PAQR5: variants seen among roughly 807,000 people sequenced by gnomAD.
PAQR5 encodes the protein progestin and adipoQ receptor family member 5.
A neutral mutation model predicts 34.5 loss-of-function variants in PAQR5; 20 were observed. The ratio of observed to expected loss-of-function variants is 0.58; its 90% CI spans 0.41 to 0.84. PAQR5 has a LOEUF of 0.84. PAQR5 is among the 40% of genes least tolerant of loss of function. The pLI, the probability that PAQR5 is intolerant of heterozygous loss-of-function variation, is 0.00. For missense variants in PAQR5, 378 were observed against 412.7 expected (o/e 0.92, Z 0.73); for synonymous variants, 131 against 155.6 (o/e 0.84, Z 1.18).
intron 3 of PAQR5, among the ~76,000 whole-genome samples, chr15:69,371,534 A>G (rs2140889521): frequency 6.6e-6 from 1 of 152,296 alleles, no homozygotes; most frequent in South Asian, 2.1e-4. Context: ...GAAAACTGAA[A>G]ACAGTAGGGT....
intron 1 of PAQR5, among the ~76,000 whole-genome samples, chr15:69,312,732 C>T (rs1437303088): frequency 6.6e-6 from 1 of 151,874 alleles, no homozygotes; most frequent in Non-Finnish European, 1.5e-5. Context: ...ACTGGAAAAC[C>T]GAAAAGTCTT....
chr15:69,314,829 A>G (rs1430060540), intron 1 of PAQR5: 2 of 152,638 alleles, frequency 1.3e-5, no homozygotes, highest in South Asian at 2.1e-4. Context: ...GCTTTGTTCC[A>G]GTGTCCTGCA....
At position 69,301,124 on chromosome 15, in the gene PAQR5, C is replaced by T. The variant is rs1019804787; in HGVS notation, c.-277+2068C>T. Reference sequence around the variant, plus strand: ...GTTCAAGCAATTCTCTTGCCTCAGCCTCCCGAGTAGCTGGGATTACAGGCG... The same window carrying T: ...GTTCAAGCAATTCTCTTGCCTCAGCTTCCCGAGTAGCTGGGATTACAGGCG... On this transcript the variant is annotated intron_variant, in intron 1 of 8. Transcript: ENST00000395407. 4.6e-5 allele frequency among the ~76,000 whole-genome samples: 7 copies of T among 151,444 alleles called. No individual in the cohort carries two copies. In the East Asian group the frequency reaches 1.4e-3, roughly 29 times the overall value.
chr15:69,308,547 C>A (rs2053765640), intron 1 of PAQR5, among the ~76,000 whole-genome samples: 1 of 152,130 alleles, frequency 6.6e-6, no homozygotes, highest in Non-Finnish European at 1.5e-5. Flanking sequence ...AGTAGCCACA[C>A]ACACCCCCTC....
intron 3 of PAQR5, among the ~76,000 whole-genome samples, chr15:69,361,454 G>T (rs1014934755): frequency 3.9e-5 from 6 of 152,168 alleles, no homozygotes; most frequent in Admixed American, 3.9e-4. Context: ...TCCATCACGA[G>T]GGAGTGTATT....
At chr15:69,360,698 T>G (rs1413653994) in intron 3 of PAQR5, among the ~76,000 whole-genome samples, 1 of 152,244 alleles carries the variant, frequency 6.6e-6, no homozygotes, top group Non-Finnish European at 1.5e-5. Context: ...TGAGCCTGGT[T>G]GTGTGCTACA....
At chr15:69,301,162 C>T (rs984711556) in intron 1 of PAQR5, among the ~76,000 whole-genome samples, 2 of 151,654 alleles carry the variant, frequency 1.3e-5, no homozygotes, top group Admixed American at 6.6e-5. Context: ...TGCCACCAAA[C>T]ACAGCTAATT....
chr15:69,407,021 C>T lies in PAQR5; in HGVS notation c.*3199C>T, dbSNP rs1396436456. ...CTGCCCCGCCCAGTAGAAACTTGCTCATATGAGAGGTTCTGAGGTAGGTGC... is the reference window on the plus strand; with the variant it reads ...CTGCCCCGCCCAGTAGAAACTTGCTTATATGAGAGGTTCTGAGGTAGGTGC... On this transcript the variant is annotated 3_prime_UTR_variant, in exon 9 of 9. Transcript: ENST00000395407. 1 of 152,362 alleles carries T rather than the reference C, an allele frequency of 6.6e-6. No individual in the cohort carries two copies. The highest frequency in any genetic ancestry group is 1.5e-5 in the Non-Finnish European group (1 of 68,184). 9.4% of individuals were successfully genotyped at this position (152,362 alleles called of 1,614,324 possible).
intron 1 of PAQR5, among the ~76,000 whole-genome samples, chr15:69,306,461 G>T (rs2053719010): frequency 1.4e-5 from 2 of 147,542 alleles, no homozygotes; most frequent in Non-Finnish European, 3.0e-5. Context: ...GCCCAGGCTG[G>T]AGTGCAACGG....
intron 1 of PAQR5, among the ~76,000 whole-genome samples, chr15:69,328,051 G>A (rs1456499137): frequency 6.6e-6 from 1 of 152,152 alleles, no homozygotes; most frequent in Non-Finnish European, 1.5e-5. Flanking sequence ...AAAGTGCTGG[G>A]ATTACAGGTG....
chr15:69,300,741 T>C (rs866042592), intron 1 of PAQR5, among the ~76,000 whole-genome samples: 1 of 42,512 alleles, frequency 2.4e-5, no homozygotes, highest in Admixed American at 3.5e-4. Flanking sequence ...TCTTTCTTTC[T>C]TTCTTTCATT....
intron 2 of PAQR5, among the ~76,000 whole-genome samples, chr15:69,351,895 T>C (rs1014561558): frequency 6.6e-6 from 1 of 152,200 alleles, no homozygotes; most frequent in African/African-American, 2.4e-5. Flanking sequence ...AAGAAGCGCA[T>C]GAACACCTTG....
In PAQR5 at chr15:69,359,994, G is replaced by A. The variant is rs1246043322; in HGVS notation, c.-87G>A. ...AGCGGCACAGCACCAGCTAGGCAGA[G>A]ACGCCCCAGGCCATGTTAGAGCTTT... On this transcript the variant is annotated 5_prime_UTR_variant, in exon 3 of 9. Transcript: ENST00000395407. 6 of 1,015,160 alleles carry A rather than the reference G, an allele frequency of 5.9e-6. No homozygotes were observed. The highest frequency in any genetic ancestry group is 3.6e-5 in the Admixed American group (2 of 55,646). 62.9% of individuals were successfully genotyped at this position (1,015,160 alleles called of 1,614,324 possible). A position where few individuals can be genotyped will look rare whatever the true frequency, so the allele number is the denominator to read the frequency against.
intron 1 of PAQR5, among the ~76,000 whole-genome samples, chr15:69,332,800 A>G (rs1304803161): frequency 6.7e-6 from 1 of 150,268 alleles, no homozygotes; most frequent in Non-Finnish European, 1.5e-5. Context: ...AAAAAAAAAA[A>G]AAAAAGAAAC....
At chr15:69,313,278 C>A (rs537808577) in intron 1 of PAQR5, among the ~76,000 whole-genome samples, 1 of 152,194 alleles carries the variant, frequency 6.6e-6, no homozygotes, top group Admixed American at 6.5e-5. Flanking sequence ...GAGGGAGGAT[C>A]CCCTGAGCTG....
intron 3 of PAQR5, among the ~76,000 whole-genome samples, chr15:69,364,209 A>G (rs1270059709): frequency 1.3e-5 from 2 of 152,098 alleles, no homozygotes; most frequent in Non-Finnish European, 2.9e-5. Context: ...GGGCTCAGGC[A>G]CTGGGAACAA....
intron 1 of PAQR5, among the ~76,000 whole-genome samples, chr15:69,305,922 G>A (rs2053706173): frequency 6.6e-6 from 1 of 152,180 alleles, no homozygotes; most frequent in African/African-American, 2.4e-5. Context: ...GTAAATCACT[G>A]TCTCTGGGAA....
intron 3 of PAQR5, among the ~76,000 whole-genome samples, chr15:69,361,114 T>C (rs999108342): frequency 6.6e-6 from 1 of 152,196 alleles, no homozygotes; most frequent in African/African-American, 2.4e-5. Flanking sequence ...CTGTCTCCCA[T>C]GACACTGGGC....
intron 1 of PAQR5, among the ~76,000 whole-genome samples, chr15:69,313,965 C>T (rs947678624): frequency 1.3e-5 from 2 of 152,016 alleles, no homozygotes; most frequent in Non-Finnish European, 2.9e-5. Context: ...CTGTGAGGGA[C>T]TGAAGTTCCT....
Sources: gnomAD v4.1 joint callset for allele counts (sites outside exome capture counted in the v4.1 genomes callset) on GRCh38, gnomAD v4.1.1 for gene constraint, MANE v1.5 for transcripts, NCBI Gene and HGNC (gene_info 2026-07-23, HGNC 2026-07-21) for gene names.